MYO5C: variants seen among roughly 807,000 people sequenced by gnomAD.
MYO5C encodes unconventional myosin-Vc.
A neutral mutation model predicts 235.7 loss-of-function variants in MYO5C; 194 were observed. That is an observed-to-expected ratio of 0.82 (90% CI 0.73 to 0.93). The LOEUF is 0.93. MYO5C is among the 40% of genes least tolerant of loss of function. The pLI, the probability that MYO5C is intolerant of heterozygous loss-of-function variation, is 0.00. For missense variants in MYO5C, 2,038 were observed against 2,127.2 expected, an observed-to-expected ratio of 0.96 and a Z score of 0.82; for synonymous variants, 707 against 754.8, an observed-to-expected ratio of 0.94 and a Z score of 1.04.
Position 52,282,902 on chromosome 15 carries a change from A to G in MYO5C, c.28-10T>C. 6.3e-7 allele frequency: 1 copy of G among 1,575,198 alleles called. No homozygotes were observed. Among genetic ancestry groups the G allele is most frequent in the Non-Finnish European group, 8.7e-7 (1 of 1,144,520 alleles). On this transcript the variant is annotated splice_polypyrimidine_tract_variant and intron_variant, in intron 1 of 40. Coordinates refer to ENST00000261839, the MANE Select transcript of MYO5C (RefSeq NM_018728.4). ...TCCAGACCCTGTTGTACTGACCAACAGGATGAGAAAAGCTGAATTTCAGGA... is the reference window on the plus strand; with the variant it reads ...TCCAGACCCTGTTGTACTGACCAACGGGATGAGAAAAGCTGAATTTCAGGA...
At chr15:52,212,151 G>A (rs900846936) in intron 34 of MYO5C, among the ~76,000 whole-genome samples, 1 of 151,998 alleles carries the variant, frequency 6.6e-6, no homozygotes, top group Non-Finnish European at 1.5e-5. Flanking sequence ...TTTTTCCCTG[G>A]TGTGGAAACC....
At chr15:52,265,958 T>C (rs919873637) in intron 8 of MYO5C, among the ~76,000 whole-genome samples, 1 of 152,184 alleles carries the variant, frequency 6.6e-6, no homozygotes, top group Non-Finnish European at 1.5e-5. Flanking sequence ...AGGTAACTCC[T>C]CCATCCGAAG....
At chr15:52,288,289 G>C (rs952376714) in intron 1 of MYO5C, among the ~76,000 whole-genome samples, 1 of 152,176 alleles carries the variant, frequency 6.6e-6, no homozygotes, top group African/African-American at 2.4e-5. Context: ...AAGTAATCCT[G>C]AACTCTGAAC....
At chr15:52,289,837 G>A (rs2037350711) in intron 1 of MYO5C, among the ~76,000 whole-genome samples, 1 of 152,196 alleles carries the variant, frequency 6.6e-6, no homozygotes, top group African/African-American at 2.4e-5. Flanking sequence ...TCCTGCTCAG[G>A]CCTCACCCTC....
chr15:52,244,574 G>A lies in MYO5C; in HGVS notation c.2179-7C>T. ...ACTGGTACTGATTAGAATCCTGGAA[G>A]AGAAAAATGATATAGTTAGAATTAA... On this transcript the variant is annotated splice_region_variant and splice_polypyrimidine_tract_variant and intron_variant, in intron 18 of 40. Coordinates refer to ENST00000261839, the MANE Select transcript of MYO5C (RefSeq NM_018728.4). 6.4e-7 allele frequency: 1 copy of A among 1,574,242 alleles called. No individual in the cohort carries two copies. Among genetic ancestry groups the A allele is most frequent in the Admixed American group, 1.7e-5 (1 of 58,076 alleles).
chr15:52,264,412 G>T, intron 8 of MYO5C, 116 bp from the exon 9 acceptor site: 1 of 813,284 alleles, frequency 1.2e-6, no homozygotes, highest in Non-Finnish European at 2.0e-6. Context: ...TCTGGGACAG[G>T]AACGTGAAGT....
chr15:52,214,185 C>T (rs1304121615), intron 33 of MYO5C, among the ~76,000 whole-genome samples: 1 of 152,138 alleles, frequency 6.6e-6, no homozygotes, highest in Admixed American at 6.6e-5. Flanking sequence ...TTTATGTGTG[C>T]CATGCAGTCC....
chr15:52,228,883 G>A (rs745617896), intron 25 of MYO5C, among the ~76,000 whole-genome samples: 5 of 152,108 alleles, frequency 3.3e-5, no homozygotes, highest in South Asian at 2.1e-4. Context: ...TCTCTACATC[G>A]ACATATTTAA....
intron 28 of MYO5C, 106 bp from the exon 29 acceptor site, chr15:52,223,830 C>A: frequency 1.0e-6 from 1 of 997,342 alleles, no homozygotes; most frequent in Non-Finnish European, 1.4e-6. Context: ...GCACGAAGTA[C>A]ATCAAGTTTA....
chr15:52,215,115 C>T (rs995878322), intron 32 of MYO5C, among the ~76,000 whole-genome samples: 2 of 152,170 alleles, frequency 1.3e-5, no homozygotes, highest in South Asian at 2.1e-4. Context: ...TTCATATATT[C>T]GTATGGCTGA....
At chr15:52,293,408 C>A (rs542614206) in intron 1 of MYO5C, among the ~76,000 whole-genome samples, 2 of 152,310 alleles carry the variant, frequency 1.3e-5, no homozygotes, top group East Asian at 1.9e-4. Flanking sequence ...GGGCAGAAGA[C>A]CCTCGGCAGG....
chr15:52,245,533 G>T, intron 17 of MYO5C, 68 bp from the exon 18 acceptor site: 2 of 1,034,920 alleles, frequency 1.9e-6, no homozygotes, highest in Non-Finnish European at 3.1e-6. Flanking sequence ...GGACTCCGCT[G>T]CCTTACCTGC....
At chr15:52,262,996 T>G (rs2140829257) in intron 9 of MYO5C, among the ~76,000 whole-genome samples, 1 of 152,214 alleles carries the variant, frequency 6.6e-6, no homozygotes, top group South Asian at 2.1e-4. Flanking sequence ...GGCATCACAG[T>G]GTCTGCTCTC....
At chr15:52,240,190 ACTTT>A (rs1026276078) in intron 20 of MYO5C, among the ~76,000 whole-genome samples, 1 of 152,226 alleles carries the variant, frequency 6.6e-6, no homozygotes, top group African/African-American at 2.4e-5. Context: ...CTCTGCCATA[ACTTT>A]CTTTTTTTCT....
chr15:52,277,698 G>A lies in MYO5C; in HGVS notation c.449+1175C>T, dbSNP rs375592755. On this transcript the variant is annotated intron_variant, in intron 4 of 40. Coordinates refer to ENST00000261839, the MANE Select transcript of MYO5C (RefSeq NM_018728.4). ...TACCTAGAATATGGAAGACAGAGGT[G>A]AGAACTGGCTTGTCCCTGAGGATGA... 2.4e-5 allele frequency: 9 copies of A among 380,606 alleles called. No individual in the cohort carries two copies. In the East Asian group the frequency reaches 5.7e-4, roughly 24 times the overall value. 23.6% of individuals were successfully genotyped at this position (380,606 alleles called of 1,614,324 possible).
At chr15:52,291,739 T>TTTTTTTG (rs2037395856) in intron 1 of MYO5C, among the ~76,000 whole-genome samples, 1 of 75,626 alleles carries the variant, frequency 1.3e-5, no homozygotes, top group Non-Finnish European at 2.8e-5. Flanking sequence ...ATGTTTTTTT[T>TTTTTTTG]TTTTTTTTTT....
intron 23 of MYO5C, among the ~76,000 whole-genome samples, chr15:52,234,145 A>G (rs1433959829): frequency 2.0e-5 from 3 of 152,352 alleles, no homozygotes; most frequent in East Asian, 3.9e-4. Flanking sequence ...CAGATGCGCT[A>G]AAGAAGCTGC....
At chr15:52,248,069 T>G (rs1474172715) in intron 14 of MYO5C, among the ~76,000 whole-genome samples, 1 of 152,230 alleles carries the variant, frequency 6.6e-6, no homozygotes, top group Admixed American at 6.5e-5. Context: ...TTAAAGCACT[T>G]ACTACCTTCT....
At chr15:52,280,836 T>C (rs1195744072) in intron 2 of MYO5C, among the ~76,000 whole-genome samples, 2 of 152,212 alleles carry the variant, frequency 1.3e-5, no homozygotes, top group Admixed American at 6.5e-5. Flanking sequence ...ACAGTTAATC[T>C]GAGCCTCACT....
Sources: allele counts gnomAD v4.1 joint callset (sites outside exome capture counted in the v4.1 genomes callset), GRCh38; gene constraint gnomAD v4.1.1; transcripts MANE v1.5; gene names NCBI Gene and HGNC (gene_info 2026-07-23, HGNC 2026-07-21).